The following RSPO2 variants were observed in gnomAD, a reference collection of about 807,000 sequenced individuals.
The protein encoded by RSPO2 is R-spondin 2, also known as R-spondin-2.
Under a neutral mutation model 30.9 loss-of-function variants are expected in RSPO2, and 14 were observed. That is an observed-to-expected ratio of 0.45 (90% CI 0.30 to 0.71). The LOEUF (loss-of-function observed/expected upper bound fraction) is 0.71, where lower values mean the gene tolerates loss of function less well. RSPO2 is among the 30% of genes least tolerant of loss of function. The pLI is 0.08. For synonymous variants in RSPO2, 107 were observed against 96.4 expected, an observed-to-expected ratio of 1.11 and a Z score of -0.64; for missense variants, 264 against 301.9, an observed-to-expected ratio of 0.87 and a Z score of 0.93.
chr8:108,075,480 CAA>C (rs147639316), intron 2 of RSPO2, among the ~76,000 whole-genome samples: 15 of 124,782 alleles, frequency 1.2e-4, no homozygotes, highest in Non-Finnish European at 1.0e-4. Context: ...AATTCCATCT[CAA>C]AAAAAAAAAA....
chr8:107,921,277 T>TACAC (rs71308759), intron 5 of RSPO2, among the ~76,000 whole-genome samples: 3,559 of 148,828 alleles, frequency 0.024, 151 homozygotes, highest in African/African-American at 0.082. Context: ...TAGCAGATTT[T>TACAC]ACACACACAC....
intron 3 of RSPO2, among the ~76,000 whole-genome samples, chr8:107,963,262 T>C (rs1402024727): frequency 6.7e-6 from 1 of 149,786 alleles, no homozygotes; most frequent in African/African-American, 2.4e-5. Context: ...TGGCTGGGCA[T>C]GGTAGCTCAC....
chr8:108,074,388 A>G (rs1236157385), intron 2 of RSPO2, among the ~76,000 whole-genome samples: 1 of 152,234 alleles, frequency 6.6e-6, no homozygotes, highest in Non-Finnish European at 1.5e-5. Flanking sequence ...ATAGACACCC[A>G]TACACACATA....
intron 5 of RSPO2, among the ~76,000 whole-genome samples, chr8:107,955,474 A>G (rs1813392447): frequency 6.6e-6 from 1 of 152,188 alleles, no homozygotes; most frequent in Admixed American, 6.5e-5. Context: ...AAAAAACAAG[A>G]CAACTGATCT....
intron 2 of RSPO2, among the ~76,000 whole-genome samples, chr8:107,999,764 G>A (rs1815165691): frequency 1.3e-5 from 2 of 151,666 alleles, no homozygotes; most frequent in South Asian, 4.2e-4. Context: ...TATTGGGGGA[G>A]AAAGTTAGAG....
intron 5 of RSPO2, among the ~76,000 whole-genome samples, chr8:107,937,536 T>C (rs1282299466): frequency 6.6e-6 from 1 of 151,770 alleles, no homozygotes; most frequent in Non-Finnish European, 1.5e-5. Flanking sequence ...TCTGAAGGCA[T>C]TTTTTTTCCT....
At chr8:107,923,433 T>C (rs1812250656) in intron 5 of RSPO2, among the ~76,000 whole-genome samples, 2 of 151,942 alleles carry the variant, frequency 1.3e-5, no homozygotes, top group South Asian at 2.1e-4. Context: ...GCTAGTGAGG[T>C]TGTGGAGAAA....
At chr8:108,015,259 A>T (rs1810846841) in intron 2 of RSPO2, among the ~76,000 whole-genome samples, 1 of 152,130 alleles carries the variant, frequency 6.6e-6, no homozygotes, top group Non-Finnish European at 1.5e-5. Flanking sequence ...TAGGGGAAAA[A>T]ATAACCCATA....
chr8:107,988,048 T>C (rs1237438017), intron 3 of RSPO2, among the ~76,000 whole-genome samples: 1 of 152,158 alleles, frequency 6.6e-6, no homozygotes, highest in Non-Finnish European at 1.5e-5. Context: ...TTTGAGTTCC[T>C]TAAAGAAAGG....
chr8:107,973,022 GC>G (rs1814055791), intron 3 of RSPO2, among the ~76,000 whole-genome samples: 1 of 152,188 alleles, frequency 6.6e-6, no homozygotes, highest in South Asian at 2.1e-4. Context: ...TGTAATCCCA[GC>G]ACTTTGGGAG....
At chr8:108,008,787 C>G (rs1232579983) in intron 2 of RSPO2, among the ~76,000 whole-genome samples, 1 of 123,690 alleles carries the variant, frequency 8.1e-6, no homozygotes, top group Non-Finnish European at 1.7e-5. Context: ...TCATAAACTG[C>G]AAAAAAAAAA....
intron 2 of RSPO2, among the ~76,000 whole-genome samples, chr8:108,052,200 T>C (rs1357629563): frequency 6.6e-6 from 1 of 152,188 alleles, no homozygotes; most frequent in Non-Finnish European, 1.5e-5. Flanking sequence ...TTCTATGAAC[T>C]GATTACTTTT....
intron 2 of RSPO2, among the ~76,000 whole-genome samples, chr8:108,017,945 C>T (rs1385064765): frequency 6.6e-6 from 1 of 152,086 alleles, no homozygotes; most frequent in Non-Finnish European, 1.5e-5. Context: ...ATTTGTTTTC[C>T]TAATTGCTAC....
chr8:108,024,435 T>C (rs1328951041), intron 2 of RSPO2, among the ~76,000 whole-genome samples: 1 of 141,296 alleles, frequency 7.1e-6, no homozygotes, highest in South Asian at 2.2e-4. Context: ...TACTGTTAAG[T>C]AAAAAAAAAA....
chr8:107,924,505 A>C (rs1171290053), intron 5 of RSPO2, among the ~76,000 whole-genome samples: 2 of 152,052 alleles, frequency 1.3e-5, no homozygotes, highest in Non-Finnish European at 1.5e-5. Context: ...TGTTGGTTTC[A>C]ACATTTTTAT....
chr8:107,955,724 T>C (rs1394888139), intron 5 of RSPO2, among the ~76,000 whole-genome samples: 1 of 152,222 alleles, frequency 6.6e-6, no homozygotes, highest in Non-Finnish European at 1.5e-5. Flanking sequence ...ACTATAGCAT[T>C]ACACTGACCT....
intron 5 of RSPO2, among the ~76,000 whole-genome samples, chr8:107,926,505 G>C (rs1812376365): frequency 6.6e-6 from 1 of 152,066 alleles, no homozygotes; most frequent in Non-Finnish European, 1.5e-5. Context: ...GTATTGCCTA[G>C]GTTTTCTTCT....
At chr8:107,903,962 C>CGTTG (rs1811556477) in intron 5 of RSPO2, among the ~76,000 whole-genome samples, 1 of 151,980 alleles carries the variant, frequency 6.6e-6, no homozygotes, top group Non-Finnish European at 1.5e-5. Context: ...TAAAAGAATA[C>CGTTG]TAAAATACAA....
intron 5 of RSPO2, among the ~76,000 whole-genome samples, chr8:107,905,994 T>C (rs1811627620): frequency 6.6e-6 from 1 of 151,922 alleles, no homozygotes; most frequent in Non-Finnish European, 1.5e-5. Flanking sequence ...AACCTCCAAA[T>C]AAGATGAGAT....
Sources: allele counts gnomAD v4.1 joint callset (sites outside exome capture counted in the v4.1 genomes callset), GRCh38; gene constraint gnomAD v4.1.1; transcripts MANE v1.5; gene names NCBI Gene and HGNC (gene_info 2026-07-23, HGNC 2026-07-21).